The following WDR44 variants were observed in gnomAD, a reference collection of about 807,000 sequenced individuals.
WDR44 encodes the protein WD repeat-containing protein 44.
Under a neutral mutation model 65.7 loss-of-function variants are expected in WDR44, and 9 were observed. That is an observed-to-expected ratio of 0.14 (90% CI 0.08 to 0.24). The LOEUF (loss-of-function observed/expected upper bound fraction) is 0.24, where lower values mean the gene tolerates loss of function less well. WDR44 is among the 10% of genes least tolerant of loss of function. The pLI, the probability that WDR44 is intolerant of heterozygous loss-of-function variation, is 1.00. For missense variants in WDR44, 425 were observed against 670.9 expected (o/e 0.63, Z 4.05); for synonymous variants, 220 against 235.2 (o/e 0.94, Z 0.59).
chrX:118,431,664 TA>T (rs2057212528), intron 12 of WDR44, among the ~76,000 whole-genome samples: 1 of 112,137 alleles, frequency 8.9e-6, no homozygotes, highest in South Asian at 3.7e-4. Context: ...TACATCTCCA[TA>T]TACTGTTTTC....
At chrX:118,444,031 G>A (rs998566911) in intron 18 of WDR44, among the ~76,000 whole-genome samples, 2 of 105,371 alleles carry the variant, frequency 1.9e-5, no homozygotes, top group African/African-American at 7.1e-5. Flanking sequence ...GGGCAATAGA[G>A]TGAGATTCCG....
Position 118,449,594 on chromosome X carries a change from T to C in WDR44, c.*607T>C, listed in dbSNP as rs986609326. 1 of 111,287 alleles carries C rather than the reference T, an allele frequency of 9.0e-6. No homozygotes were observed. The allele number at this position is 111,287 out of a possible 1,213,427, so 9.2% of individuals were successfully genotyped here. On this transcript the variant is annotated 3_prime_UTR_variant, in exon 20 of 20. Transcript: ENST00000254029. ...ATTCTTTTCTTTATATGTGTACATATAATTTTTTTTTCTTTGCCACACTGG... is the reference window on the plus strand; with the variant it reads ...ATTCTTTTCTTTATATGTGTACATACAATTTTTTTTTCTTTGCCACACTGG...
intron 12 of WDR44, among the ~76,000 whole-genome samples, chrX:118,426,621 G>A (rs57023760): frequency 0.13 from 14,481 of 108,749 alleles, 1,100 homozygotes; most frequent in African/African-American, 0.28. Flanking sequence ...TGAAAGGATC[G>A]CTGGAGCCCA....
intron 1 of WDR44, among the ~76,000 whole-genome samples, chrX:118,377,351 C>CTT (rs1172334052): frequency 9.1e-6 from 1 of 109,786 alleles, no homozygotes; most frequent in East Asian, 2.8e-4. Context: ...CAGCAAGACT[C>CTT]TGTCTTTAAA....
chrX:118,419,441 A>G (rs1190994918), intron 12 of WDR44, among the ~76,000 whole-genome samples: 2 of 110,627 alleles, frequency 1.8e-5, no homozygotes, highest in African/African-American at 6.6e-5. Flanking sequence ...CTGCAAACAG[A>G]CGTTCAGTTT....
chrX:118,356,825 G>A, intron 1 of WDR44, among the ~76,000 whole-genome samples: 1 of 104,861 alleles, frequency 9.5e-6, no homozygotes, highest in South Asian at 4.3e-4. Context: ...TATATATCAA[G>A]TCATTGATAT....
chrX:118,436,726 A>G lies in WDR44; in HGVS notation c.1876A>G (p.Met626Val). Residue 626 changes from methionine (M) to valine (V), a missense_variant, in exon 14 of 20, where the codon ATG becomes GTG. By Grantham distance (21) the Met-to-Val change is conservative. Coordinates refer to ENST00000254029, the MANE Select transcript of WDR44 (RefSeq NM_019045.5). ...SKNYFLLSSS[M>V]DKTVRLWHIS... ...GAACTACTTTCTTCTTTCTTCTTCA[A>G]TGGATAAAACAGTCAGATTATGGCA... 8.4e-7 allele frequency: 1 copy of G among 1,196,566 alleles called. No homozygotes were observed. Among genetic ancestry groups the G allele is most frequent in the Non-Finnish European group, 1.1e-6 (1 of 885,887 alleles).
At chrX:118,438,887 C>G (rs755742386) in intron 14 of WDR44, among the ~76,000 whole-genome samples, 9 of 100,780 alleles carry the variant, frequency 8.9e-5, no homozygotes, top group Non-Finnish European at 1.8e-4. Context: ...CTCCCGAGTT[C>G]AAGCAGTTCT....
At chrX:118,383,160 C>T (rs2056733998) in intron 2 of WDR44, among the ~76,000 whole-genome samples, 1 of 112,244 alleles carries the variant, frequency 8.9e-6, no homozygotes, top group South Asian at 3.7e-4. Context: ...CTTAAAACAG[C>T]AGAGTACCTT....
chrX:118,380,642 A>G (rs1383344528), intron 2 of WDR44, among the ~76,000 whole-genome samples: 1 of 111,973 alleles, frequency 8.9e-6, no homozygotes, highest in Non-Finnish European at 1.9e-5. Flanking sequence ...TTGTAATATA[A>G]AGGAAGGCTT....
intron 12 of WDR44, among the ~76,000 whole-genome samples, chrX:118,423,689 A>G (rs948591989): frequency 1.8e-5 from 2 of 111,887 alleles, no homozygotes; most frequent in Admixed American, 9.5e-5. Context: ...GCACTGTGCT[A>G]TATAATAGAT....
intron 19 of WDR44, among the ~76,000 whole-genome samples, chrX:118,447,577 C>G (rs1387902843): frequency 9.0e-6 from 1 of 110,688 alleles, no homozygotes; most frequent in African/African-American, 3.3e-5. Flanking sequence ...TATAGAGTTT[C>G]AATAAGAATT....
chrX:118,412,020 C>G (rs757495307), intron 12 of WDR44, among the ~76,000 whole-genome samples: 2 of 112,031 alleles, frequency 1.8e-5, no homozygotes, highest in African/African-American at 3.2e-5. Flanking sequence ...CTCACAATTA[C>G]AGTATTAGAT....
chrX:118,434,894 C>A (rs2057241336), intron 13 of WDR44, among the ~76,000 whole-genome samples: 1 of 111,542 alleles, frequency 9.0e-6, no homozygotes, highest in African/African-American at 3.3e-5. Context: ...ACAAGAATTA[C>A]CGTGTTAATT....
intron 1 of WDR44, among the ~76,000 whole-genome samples, chrX:118,367,898 CTT>C (rs778222250): frequency 9.0e-6 from 1 of 111,231 alleles, no homozygotes; most frequent in African/African-American, 3.3e-5. Flanking sequence ...CTGTAAATTT[CTT>C]TAACACTAGG....
chrX:118,439,619 T>G (rs774951900), intron 14 of WDR44, among the ~76,000 whole-genome samples: 1 of 111,027 alleles, frequency 9.0e-6, no homozygotes, highest in Non-Finnish European at 1.9e-5. Flanking sequence ...TACATAGATG[T>G]ATGTATGTGA....
chrX:118,420,718 GTC>G (rs778706725), intron 12 of WDR44, among the ~76,000 whole-genome samples: 1 of 112,356 alleles, frequency 8.9e-6, no homozygotes, highest in Non-Finnish European at 1.9e-5. Context: ...TCACTTTCAT[GTC>G]TCTGTCCCTG....
chrX:118,417,493 G>A (rs892627211), intron 12 of WDR44, among the ~76,000 whole-genome samples: 5 of 111,650 alleles, frequency 4.5e-5, no homozygotes, highest in African/African-American at 1.6e-4. Flanking sequence ...TTTGTTTGAG[G>A]AGGCTGAAGA....
chrX:118,395,114 C>T (rs1485890890), intron 5 of WDR44, 135 bp from the exon 6 acceptor site: 6 of 560,206 alleles, frequency 1.1e-5, no homozygotes, highest in East Asian at 3.8e-5. Context: ...AGGACTGAAA[C>T]GTAATGTTCC....
Sources: allele counts gnomAD v4.1 joint callset (sites outside exome capture counted in the v4.1 genomes callset), GRCh38; gene constraint gnomAD v4.1.1; transcripts MANE v1.5; gene names NCBI Gene and HGNC (gene_info 2026-07-23, HGNC 2026-07-21).